The following CLU variants were observed in gnomAD, a reference collection of about 807,000 sequenced individuals.
CLU encodes the protein clusterin.
CLU carries 25 observed loss-of-function variants against 46.4 expected under a neutral mutation model. The observed-to-expected ratio is 0.54, with a 90% CI of 0.39 to 0.75. The LOEUF is 0.75. CLU is among the 30% of genes least tolerant of loss of function. The probability of loss-of-function intolerance (pLI) is 0.00; values close to 1 mark genes in which losing one functional copy is unlikely to be tolerated. For missense variants in CLU, 504 were observed against 592.1 expected (o/e 0.85, Z 1.54); for synonymous variants, 235 against 235.1 (o/e 1.00, Z 0.00).
chr8:27,600,613 A>C (rs1800702684), intron 6 of CLU, among the ~76,000 whole-genome samples: 1 of 152,156 alleles, frequency 6.6e-6, no homozygotes, highest in Admixed American at 6.6e-5. Context: ...CCAGACCCTT[A>C]TCTCTTTGGT....
chr8:27,598,190 G>C lies in CLU; in HGVS notation c.*51C>G, dbSNP rs376490655. 80 of 1,602,180 alleles carry C rather than the reference G, an allele frequency of 5.0e-5. No homozygotes were observed. The highest frequency in any genetic ancestry group is 1.2e-4 in the African/African-American group (9 of 74,616). ...CTCTGGGGGGCTGCAGCTCATCTTGGGGGGAGCTGGACTCAGATGCCCCCG... is the reference window on the plus strand; with the variant it reads ...CTCTGGGGGGCTGCAGCTCATCTTGCGGGGAGCTGGACTCAGATGCCCCCG... On this transcript the variant is annotated 3_prime_UTR_variant, in exon 9 of 9. Transcript: ENST00000316403.
At chr8:27,610,237 G>C (rs550390422) in intron 2 of CLU, among the ~76,000 whole-genome samples, 2 of 152,208 alleles carry the variant, frequency 1.3e-5, no homozygotes, top group South Asian at 4.1e-4. Flanking sequence ...TGCAACAGCC[G>C]AAAGTGCTTG....
intron 5 of CLU, 144 bp downstream of exon 5, chr8:27,604,780 A>T: frequency 1.0e-6 from 1 of 1,000,998 alleles, no homozygotes; most frequent in Non-Finnish European, 1.5e-6. Flanking sequence ...TGCCCAGCTC[A>T]GTTTTTTTCC....
At position 27,610,881 on chromosome 8, in the gene CLU, T is replaced by C. The variant is rs373215977; in HGVS notation, c.-29-281A>G. On this transcript the variant is annotated intron_variant, in intron 1 of 8. Transcript: ENST00000316403. ...CCTGGCATCGGAGGAACCAGGCTCT[T>C]GTCCAAGCCACATCCTCCCCGACAA... The C allele has an allele frequency of 1.2e-4, 53 of 424,064 alleles. 1 individual carries two copies. Among genetic ancestry groups the C allele is most frequent in the East Asian group, 7.3e-4 (14 of 19,250 alleles). The allele number at this position is 424,064 out of a possible 1,614,324, so 26.3% of individuals were successfully genotyped here.
rs1269799789 is a variant in CLU at position 27,610,514 on chromosome 8, C to T, written c.58G>A (p.Val20Ile). The change falls in exon 2 of 9, where the codon GTC becomes ATC. Residue 20 changes from valine (V) to isoleucine (I), a missense_variant. By Grantham distance (29) the Val-to-Ile change is conservative. This residue lies in a region of CLU where 73 missense variants were observed against 91.2 expected (regional missense o/e 0.80). Coordinates refer to ENST00000316403, the MANE Select transcript of CLU (RefSeq NM_001831.4). ...GLLLTWESGQ[V>I]LGDQTVSDNE... ...TCTGAGACCGTCTGGTCCCCCAGGA[C>T]CTGCCCACTCTCCCAGGTCAGCAGC... 1.2e-6 allele frequency: 2 copies of T among 1,614,232 alleles called. No homozygotes were observed. The highest frequency in any genetic ancestry group is 1.7e-6 in the Non-Finnish European group (2 of 1,180,030).
rs1800626318 is a variant in CLU at position 27,597,556 on chromosome 8, T to C, written c.*685A>G. On this transcript the variant is annotated 3_prime_UTR_variant, in exon 9 of 9. Transcript: ENST00000316403. Reference sequence around the variant, plus strand: ...GCTCTTACAAATAAAACTGATAATTTGGACTTCTGGGCACCAAATGTTTTC... The same window carrying C: ...GCTCTTACAAATAAAACTGATAATTCGGACTTCTGGGCACCAAATGTTTTC... 4.4e-6 allele frequency: 2 copies of C among 454,018 alleles called. No individual in the cohort carries two copies. Among genetic ancestry groups the C allele is most frequent in the Non-Finnish European group, 8.8e-6 (2 of 226,804 alleles). 28.1% of individuals were successfully genotyped at this position (454,018 alleles called of 1,614,324 possible).
intron 1 of CLU, 171 bp from the exon 2 acceptor site, chr8:27,610,771 T>G: frequency 3.3e-6 from 2 of 607,166 alleles, no homozygotes; most frequent in East Asian, 2.9e-5. Context: ...AGACTTGCCA[T>G]GGACACCTCG....
chr8:27,611,984 A>C, intron 1 of CLU: 1 of 357,880 alleles, frequency 2.8e-6, no homozygotes, highest in South Asian at 2.1e-5. Flanking sequence ...TTCTGGAAAA[A>C]CCCATTCAGA....
At chr8:27,604,257 G>C in intron 6 of CLU, 34 bp downstream of exon 6, 1 of 1,471,976 alleles carries the variant, frequency 6.8e-7, no homozygotes, top group Admixed American at 2.0e-5. Flanking sequence ...CAAGGGATCA[G>C]GGGGGACGGC....
intron 4 of CLU, among the ~76,000 whole-genome samples, 182 bp downstream of exon 4, chr8:27,606,172 C>T (rs1800818557): frequency 6.6e-6 from 1 of 152,252 alleles, no homozygotes; most frequent in African/African-American, 2.4e-5. Context: ...GATACCTGGC[C>T]TACATCCTTT....
Position 27,599,812 on chromosome 8 carries a change from CTTGCGTGAGGT to C in CLU, c.1121_1131del (p.Asn374ArgfsTer18), listed in dbSNP as rs767472609. 1 of 1,613,490 alleles carries C rather than the reference CTTGCGTGAGGT, an allele frequency of 6.2e-7. No homozygotes were observed. On this transcript the variant is annotated frameshift_variant, in exon 7 of 9. Transcript: ENST00000316403. LOFTEE classifies it high-confidence loss of function. This position sits in a 1 kb window ranked among gnomAD's most constrained non-coding sequence, Gnocchi z 4.0. ...ACCCGCAGATAGTACTGGTCTTCGC[CTTGCGTGAGGT>C]TTGCCAGCCGGGACACCCAGTTAAA...
intron 7 of CLU, 66 bp from the exon 8 acceptor site, chr8:27,598,701 A>G (rs2132849768): frequency 4.6e-6 from 7 of 1,510,496 alleles, no homozygotes; most frequent in African/African-American, 1.4e-5. Context: ...GCTCTGCAAC[A>G]GAAGTCAGGC....
At chr8:27,605,473 G>A (rs1226664839) in intron 4 of CLU, 138 bp from the exon 5 acceptor site, 4 of 839,614 alleles carry the variant, frequency 4.8e-6, no homozygotes, top group Non-Finnish European at 5.9e-6. Flanking sequence ...CAGCCCAGCT[G>A]GGACCAGCCC....
Position 27,604,970 on chromosome 8 carries a change from G to A in CLU, c.783C>T (p.His261=). Residue 261 remains histidine (H), a synonymous_variant, in exon 5 of 9, where the codon CAC becomes CAT. Transcript: ENST00000316403. ...IHEAQQAMDI[H]FHSPAFQHPP... ...GGTGCTGGAAGGCCGGGCTATGGAA[G>A]TGGATGTCCATGGCCTGCTGAGCCT... 2 of 1,614,166 alleles carry A rather than the reference G, an allele frequency of 1.2e-6. No homozygotes were observed. Among genetic ancestry groups the A allele is most frequent in the Non-Finnish European group, 1.7e-6 (2 of 1,180,028 alleles).
intron 6 of CLU, among the ~76,000 whole-genome samples, chr8:27,600,278 A>G (rs560430834): frequency 6.6e-6 from 1 of 152,162 alleles, no homozygotes; most frequent in Non-Finnish European, 1.5e-5. Flanking sequence ...TCTGTTGCCT[A>G]GGCTGGAATA....
In CLU at chr8:27,608,927, C is replaced by T. The variant is rs776535599; in HGVS notation, c.246+11G>A. The T allele has an allele frequency of 1.9e-6, 3 of 1,614,172 alleles. No individual in the cohort carries two copies. The highest frequency in any genetic ancestry group is 2.5e-6 in the Non-Finnish European group (3 of 1,180,024). On this transcript the variant is annotated intron_variant, in intron 3 of 8. Transcript: ENST00000316403. ...GGTCAAGGCAGGGAGGCGGTAGCGG[C>T]TCCTCCTGACCTCTTTCTTCTTCTT...
intron 2 of CLU, among the ~76,000 whole-genome samples, chr8:27,610,119 G>T (rs913310330): frequency 5.3e-5 from 8 of 152,124 alleles, no homozygotes; most frequent in African/African-American, 1.9e-4. Context: ...TAAGCTCTGG[G>T]CACTCCAAAG....
At chr8:27,601,834 T>TA (rs1800727420) in intron 6 of CLU, among the ~76,000 whole-genome samples, 1 of 152,216 alleles carries the variant, frequency 6.6e-6, no homozygotes, top group Non-Finnish European at 1.5e-5. Flanking sequence ...CTCACACCTG[T>TA]AATCCCAGCA....
At chr8:27,609,666 A>G (rs867232) in intron 2 of CLU, among the ~76,000 whole-genome samples, 29,910 of 152,140 alleles carry the variant, frequency 0.2, 3,476 homozygotes, top group Non-Finnish European at 0.27. Flanking sequence ...TGCAGTTTAC[A>G]TAATGCTCCA....
Sources: allele counts gnomAD v4.1 joint callset (sites outside exome capture counted in the v4.1 genomes callset), GRCh38; gene constraint gnomAD v4.1.1; regional missense constraint gnomAD v4.1.1; non-coding constraint Gnocchi (gnomAD v3.1); transcripts MANE v1.5; gene names NCBI Gene and HGNC (gene_info 2026-07-23, HGNC 2026-07-21).